CNKSR2: variants seen among roughly 807,000 people sequenced by gnomAD.
CNKSR2 encodes the protein CNK homolog protein 2.
CNKSR2 carries 14 observed loss-of-function variants against 84.4 expected under a neutral mutation model. The ratio of observed to expected loss-of-function variants is 0.17; its 90% CI spans 0.11 to 0.26. The LOEUF is 0.26. Among genes scored for constraint, CNKSR2 ranks in the 10% least tolerant of loss-of-function variants. The probability of loss-of-function intolerance (pLI) is 1.00; values close to 1 mark genes in which losing one functional copy is unlikely to be tolerated. For synonymous variants in CNKSR2, 275 were observed against 277.9 expected, an observed-to-expected ratio of 0.99 and a Z score of 0.10; for missense variants, 485 against 771.2, an observed-to-expected ratio of 0.63 and a Z score of 4.40.
intron 5 of CNKSR2, among the ~76,000 whole-genome samples, chrX:21,478,837 A>G (rs1219671953): frequency 1.8e-5 from 2 of 112,006 alleles, no homozygotes; most frequent in Non-Finnish European, 3.8e-5. Context: ...AGAAAGCAGT[A>G]TGGCCACATA....
chrX:21,421,429 C>T (rs1449374346), intron 1 of CNKSR2, among the ~76,000 whole-genome samples: 1 of 108,008 alleles, frequency 9.3e-6, no homozygotes, highest in Non-Finnish European at 1.9e-5. Context: ...GGTGTCCTTG[C>T]GGGGGGCTAG....
At chrX:21,483,256 G>A (rs991686722) in intron 5 of CNKSR2, among the ~76,000 whole-genome samples, 2 of 111,265 alleles carry the variant, frequency 1.8e-5, no homozygotes, top group South Asian at 3.8e-4. Flanking sequence ...ATGAGTTCAC[G>A]TCCTTTGTAG....
At chrX:21,604,962 GCTA>G (rs1681190809) in intron 18 of CNKSR2, among the ~76,000 whole-genome samples, 1 of 111,926 alleles carries the variant, frequency 8.9e-6, no homozygotes, top group African/African-American at 3.3e-5. Flanking sequence ...GTCCTGTCAT[GCTA>G]CTACAAATAT....
rs530296853 is a variant in CNKSR2 at position 21,502,750 on chromosome X, T to G, written c.810+1162T>G. On this transcript the variant is annotated intron_variant, in intron 8 of 21. Transcript: ENST00000379510. ...TAAAAGTTGGTAAACGTTTTCAAAA[T>G]TAAATGCGTGGGTGTACCTTTGACA... Among the ~76,000 whole-genome samples the G allele has an allele frequency of 1.3e-4, 15 of 111,819 alleles. No homozygotes were observed. The South Asian group carries it at 5.2e-3, about 39-fold the overall frequency.
At chrX:21,401,120 T>C (rs2090185485) in intron 1 of CNKSR2, among the ~76,000 whole-genome samples, 1 of 111,149 alleles carries the variant, frequency 9.0e-6, no homozygotes, top group South Asian at 3.7e-4. Flanking sequence ...AAATAGGATT[T>C]CTATTATAAG....
intron 1 of CNKSR2, among the ~76,000 whole-genome samples, chrX:21,416,321 T>C (rs757803739): frequency 8.9e-6 from 1 of 112,110 alleles, no homozygotes; most frequent in East Asian, 2.8e-4. Context: ...CGTTTTAAAG[T>C]AATATTACTG....
chrX:21,386,561 A>G (rs1466483441), intron 1 of CNKSR2, among the ~76,000 whole-genome samples: 1 of 112,224 alleles, frequency 8.9e-6, no homozygotes. Flanking sequence ...ATAATTTTGT[A>G]TATGTTTTAA....
intron 4 of CNKSR2, chrX:21,441,487 T>C (rs1445812168): frequency 1.8e-5 from 2 of 111,995 alleles, no homozygotes; most frequent in Non-Finnish European, 3.8e-5. Flanking sequence ...CAAATGAATT[T>C]TTATTTTCTA....
At chrX:21,394,514 G>A (rs1402036976) in intron 1 of CNKSR2, among the ~76,000 whole-genome samples, 2 of 110,920 alleles carry the variant, frequency 1.8e-5, no homozygotes, top group Admixed American at 9.6e-5. Flanking sequence ...AACTAATTTT[G>A]CCTAGTTATT....
At chrX:21,427,323 G>A (rs1300890764) in intron 2 of CNKSR2, 1 of 111,757 alleles carries the variant, frequency 8.9e-6, no homozygotes, top group Non-Finnish European at 1.9e-5. Context: ...CCCCAAAGAG[G>A]TCAAATGTTA....
intron 9 of CNKSR2, among the ~76,000 whole-genome samples, chrX:21,526,351 C>T (rs1271559520): frequency 2.7e-5 from 3 of 111,056 alleles, no homozygotes; most frequent in Non-Finnish European, 5.7e-5. Flanking sequence ...CATACTCCCA[C>T]TTTTGTAACC....
chrX:21,528,824 A>G (rs1197326654), intron 10 of CNKSR2, among the ~76,000 whole-genome samples: 1 of 111,176 alleles, frequency 9.0e-6, no homozygotes, highest in Non-Finnish European at 1.9e-5. Flanking sequence ...CCAGTCATAA[A>G]GTCTTTCGAT....
At chrX:21,489,264 C>T (rs1243432305) in intron 5 of CNKSR2, among the ~76,000 whole-genome samples, 1 of 111,153 alleles carries the variant, frequency 9.0e-6, no homozygotes, top group African/African-American at 3.3e-5. Context: ...GTGTCACGGG[C>T]GTGTCCTTAA....
At position 21,583,207 on chromosome X, in the gene CNKSR2, T is replaced by C. The variant is rs773439278; in HGVS notation, c.1609-7365T>C. On this transcript the variant is annotated intron_variant, in intron 13 of 21. Transcript: ENST00000379510. The stretch of plus-strand genomic sequence containing the variant: ...TCCCACTCTAATGAAAGACCTACGG[T>C]GTGTGCAGTGCCACATCCTTCACCC... Among the ~76,000 whole-genome samples the C allele has an allele frequency of 6.3e-5, 7 of 111,573 alleles. No individual in the cohort carries two copies. The South Asian group carries it at 2.6e-3, about 42-fold the overall frequency.
At position 21,374,543 on chromosome X, in the gene CNKSR2, A is replaced by C. The variant is rs2089767463; in HGVS notation, c.-355A>C. 6.7e-6 allele frequency: 3 copies of C among 446,702 alleles called. No individual in the cohort carries two copies. Among genetic ancestry groups the C allele is most frequent in the Admixed American group, 3.3e-5 (1 of 30,483 alleles). The allele number at this position is 446,702 out of a possible 1,213,427, so 36.8% of individuals were successfully genotyped here. On this transcript the variant is annotated 5_prime_UTR_variant, in exon 1 of 22. Coordinates refer to ENST00000379510, the MANE Select transcript of CNKSR2 (RefSeq NM_014927.5). The stretch of plus-strand genomic sequence containing the variant: ...CGGCGACGCGACCCCTCAGCAACTC[A>C]AGCTATGAACTGAAGCTCCCTAGGG...
rs776960771 is a variant in CNKSR2, at chrX:21,547,717, A to G, written c.1304-13754A>G. Among the ~76,000 whole-genome samples the G allele has an allele frequency of 2.7e-5, 3 of 111,730 alleles. No individual in the cohort carries two copies. The South Asian group carries it at 1.1e-3, about 41-fold the overall frequency. On this transcript the variant is annotated intron_variant, in intron 11 of 21. Transcript: ENST00000379510. ...CAGCAAATGCAAGAGAACAGAAATT[A>G]TAACAAACAGTCTCTCAGACCACAG...
chrX:21,503,796 A>T, intron 8 of CNKSR2: 1 of 110,867 alleles, frequency 9.0e-6, no homozygotes. Context: ...CCACTTCCTC[A>T]CTCTGCTTCT....
At position 21,380,722 on chromosome X, in the gene CNKSR2, A is replaced by C. The variant is rs189830495; in HGVS notation, c.64+5761A>C. ...CTCGGCCTCCTAAAGTGTTGGGATT[A>C]CAGGCGTGAGCCACTGCACCCAGCC... On this transcript the variant is annotated intron_variant, in intron 1 of 21. Transcript: ENST00000379510. Among the ~76,000 whole-genome samples, 70 of 111,806 alleles carry C rather than the reference A, an allele frequency of 6.3e-4. 1 individual carries two copies. In the East Asian group the frequency reaches 0.015, roughly 23 times the overall value.
intron 1 of CNKSR2, among the ~76,000 whole-genome samples, chrX:21,382,586 A>C (rs2089914330): frequency 9.0e-6 from 1 of 111,530 alleles, no homozygotes; most frequent in African/African-American, 3.2e-5. Context: ...AAATAAAAAC[A>C]AAAAGCTCAT....
Sources: gnomAD v4.1 joint callset for allele counts (sites outside exome capture counted in the v4.1 genomes callset) on GRCh38, gnomAD v4.1.1 for gene constraint, MANE v1.5 for transcripts, NCBI Gene and HGNC (gene_info 2026-07-23, HGNC 2026-07-21) for gene names.